Variants in AHCYL2 observed in about 807,000 individuals in gnomAD.
AHCYL2 encodes S-adenosylhomocysteine hydrolase-like protein 2.
Under a neutral mutation model 81.4 loss-of-function variants are expected in AHCYL2, and 28 were observed. The observed-to-expected ratio is 0.34, with a 90% CI of 0.25 to 0.47. The LOEUF is 0.47. AHCYL2 is among the 20% of genes least tolerant of loss of function. AHCYL2 has a pLI of 1.00. For missense variants in AHCYL2, 551 were observed against 785.1 expected (o/e 0.70, Z 3.56); for synonymous variants, 272 against 290.2 (o/e 0.94, Z 0.64).
intron 2 of AHCYL2, 27 bp from the exon 3 acceptor site, chr7:129,389,029 C>T (rs376412412): frequency 2.4e-5 from 38 of 1,580,842 alleles, no homozygotes; most frequent in East Asian, 9.0e-5. Flanking sequence ...TTTTTTTTTC[C>T]GAGTGTTTTT....
intron 1 of AHCYL2, among the ~76,000 whole-genome samples, chr7:129,240,218 CAAAA>C (rs951367301): frequency 6.7e-6 from 1 of 149,740 alleles, no homozygotes; most frequent in Non-Finnish European, 1.5e-5. Flanking sequence ...AAATCCGCCT[CAAAA>C]AAAAAAAAGA....
chr7:129,342,577 A>T (rs901696029), intron 1 of AHCYL2, among the ~76,000 whole-genome samples: 1 of 152,190 alleles, frequency 6.6e-6, no homozygotes, highest in African/African-American at 2.4e-5. Context: ...GGACTTAACA[A>T]GGGTTAATTA....
chr7:129,229,877 A>T (rs73721565), intron 1 of AHCYL2, among the ~76,000 whole-genome samples: 509 of 152,318 alleles, frequency 3.3e-3, no homozygotes, highest in African/African-American at 0.012. Flanking sequence ...TCCATATTTT[A>T]AAAGTTATAA....
At chr7:129,295,158 T>C (rs1019200736) in intron 1 of AHCYL2, among the ~76,000 whole-genome samples, 11 of 152,218 alleles carry the variant, frequency 7.2e-5, no homozygotes, top group African/African-American at 2.7e-4. Flanking sequence ...TTGACCTCTT[T>C]CTCTGAAAGG....
chr7:129,389,816 C>T, intron 4 of AHCYL2, 82 bp downstream of exon 4: 1 of 1,148,526 alleles, frequency 8.7e-7, no homozygotes, highest in Non-Finnish European at 1.2e-6. Flanking sequence ...ATGCCAAGCA[C>T]CGAGTTAAGA....
intron 1 of AHCYL2, among the ~76,000 whole-genome samples, chr7:129,332,699 C>T (rs1168742874): frequency 2.0e-5 from 3 of 152,120 alleles, no homozygotes; most frequent in South Asian, 2.1e-4. Context: ...TAATTTGAGC[C>T]GATCATAAAC....
At chr7:129,329,267 C>A (rs921394530) in intron 1 of AHCYL2, among the ~76,000 whole-genome samples, 1 of 152,194 alleles carries the variant, frequency 6.6e-6, no homozygotes, top group Non-Finnish European at 1.5e-5. Flanking sequence ...GTAGCCTCCA[C>A]CTCCTGGGCT....
At chr7:129,340,425 G>A (rs1460486269) in intron 1 of AHCYL2, among the ~76,000 whole-genome samples, 2 of 151,428 alleles carry the variant, frequency 1.3e-5, no homozygotes, top group East Asian at 2.0e-4. Context: ...AAAATTAGCC[G>A]GGCGTGGTGG....
chr7:129,318,915 A>G (rs1052974307), intron 1 of AHCYL2, among the ~76,000 whole-genome samples: 9 of 151,898 alleles, frequency 5.9e-5, no homozygotes, highest in Non-Finnish European at 2.9e-5. Context: ...AAATTCGACT[A>G]TATAATTTTT....
chr7:129,347,000 T>A (rs548494012), intron 1 of AHCYL2, among the ~76,000 whole-genome samples: 1 of 152,288 alleles, frequency 6.6e-6, no homozygotes, highest in East Asian at 1.9e-4. Context: ...TGATAGAAGC[T>A]GAAATGCATA....
At chr7:129,313,594 T>G (rs1797733561) in intron 1 of AHCYL2, among the ~76,000 whole-genome samples, 1 of 152,172 alleles carries the variant, frequency 6.6e-6, no homozygotes, top group Admixed American at 6.5e-5. Flanking sequence ...TGATAATACC[T>G]TGAGTTTTGG....
intron 1 of AHCYL2, among the ~76,000 whole-genome samples, chr7:129,339,112 G>A (rs772329081): frequency 3.9e-5 from 6 of 152,190 alleles, no homozygotes; most frequent in Non-Finnish European, 7.4e-5. Context: ...TTTCAGTGAT[G>A]TTGCCACATT....
At chr7:129,397,443 A>G in intron 5 of AHCYL2, 119 bp downstream of exon 5, 1 of 982,110 alleles carries the variant, frequency 1.0e-6, no homozygotes. Flanking sequence ...GAAGAAATGG[A>G]TCTCGATTCT....
chr7:129,344,873 AG>A (rs1440770201), intron 1 of AHCYL2, among the ~76,000 whole-genome samples: 4 of 152,106 alleles, frequency 2.6e-5, no homozygotes, highest in African/African-American at 9.7e-5. Flanking sequence ...TCCTTCCTTC[AG>A]CTGGGCATGG....
intron 1 of AHCYL2, among the ~76,000 whole-genome samples, chr7:129,272,993 C>T (rs965093938): frequency 6.6e-6 from 1 of 151,964 alleles, no homozygotes; most frequent in Non-Finnish European, 1.5e-5. Flanking sequence ...CTCTGCCTCC[C>T]GGGATCAAGT....
intron 2 of AHCYL2, among the ~76,000 whole-genome samples, chr7:129,386,273 C>T (rs771903637): frequency 2.0e-5 from 3 of 151,950 alleles, no homozygotes; most frequent in Non-Finnish European, 4.4e-5. Context: ...GACCAGCCTG[C>T]CCAGCATGGC....
At chr7:129,264,495 AAG>A (rs1199240476) in intron 1 of AHCYL2, among the ~76,000 whole-genome samples, 1 of 152,254 alleles carries the variant, frequency 6.6e-6, no homozygotes, top group East Asian at 1.9e-4. Flanking sequence ...GAAAGGAAGA[AAG>A]GAGATGACCG....
chr7:129,388,363 A>G (rs572324814), intron 2 of AHCYL2: 1 of 152,222 alleles, frequency 6.6e-6, no homozygotes, highest in Non-Finnish European at 1.5e-5. Context: ...ACACTCTAGT[A>G]TATGTTGCTA....
intron 2 of AHCYL2, among the ~76,000 whole-genome samples, chr7:129,385,301 A>G (rs1361363652): frequency 1.3e-5 from 2 of 152,212 alleles, no homozygotes; most frequent in East Asian, 3.8e-4. Context: ...CCATTACCAA[A>G]TGAATAGGTT....
Sources: allele counts gnomAD v4.1 joint callset (sites outside exome capture counted in the v4.1 genomes callset), GRCh38; gene constraint gnomAD v4.1.1; transcripts MANE v1.5; gene names NCBI Gene and HGNC (gene_info 2026-07-23, HGNC 2026-07-21).